The following HEATR4 variants were observed in gnomAD, a reference collection of about 807,000 sequenced individuals.
The protein encoded by HEATR4 is HEAT repeat containing 4.
In HEATR4, 95 loss-of-function variants were observed where a neutral mutation model predicts 108.8. The ratio of observed to expected loss-of-function variants is 0.87; its 90% CI spans 0.74 to 1.04. The LOEUF (loss-of-function observed/expected upper bound fraction) is 1.04, where lower values mean the gene tolerates loss of function less well. HEATR4 is among the 50% of genes least tolerant of loss of function. The pLI, the probability that HEATR4 is intolerant of heterozygous loss-of-function variation, is 0.00. For synonymous variants in HEATR4, 443 were observed against 459.4 expected (o/e 0.96, Z 0.46); for missense variants, 1,152 against 1,253.8 (o/e 0.92, Z 1.23).
intron 17 of HEATR4, among the ~76,000 whole-genome samples, chr14:73,483,004 G>A (rs1490741220): frequency 6.6e-6 from 1 of 152,132 alleles, no homozygotes; most frequent in Non-Finnish European, 1.5e-5. Context: ...AAACATTTAG[G>A]AAGTAAGGGG....
chr14:73,572,455 G>C, the HEATR4 span, among the ~76,000 whole-genome samples: 15 of 151,760 alleles, frequency 9.9e-5, no homozygotes, highest in Non-Finnish European at 1.5e-4. Context: ...TCAAAAACTA[G>C]GCAAAATAAA....
chr14:73,536,098 A>G (rs1888855419), intron 1 of HEATR4, among the ~76,000 whole-genome samples: 1 of 115,806 alleles, frequency 8.6e-6, no homozygotes, highest in Non-Finnish European at 1.9e-5. Context: ...AGGGAGTTGT[A>G]TGATAATGAC....
At chr14:73,615,105 C>T in the HEATR4 span, among the ~76,000 whole-genome samples, 94 of 133,136 alleles carry the variant, frequency 7.1e-4, 1 homozygote, top group Non-Finnish European at 1.3e-3. Context: ...AAAAACAAGG[C>T]GGCCAGGCGC....
At chr14:73,547,504 C>T (rs1426590825) in intron 1 of HEATR4, among the ~76,000 whole-genome samples, 2 of 115,422 alleles carry the variant, frequency 1.7e-5, no homozygotes, top group Admixed American at 9.8e-5. Context: ...CACCACTGCA[C>T]CTGGCCATCA....
intron 17 of HEATR4, among the ~76,000 whole-genome samples, chr14:73,484,699 C>T (rs745601455): frequency 6.6e-5 from 10 of 151,962 alleles, no homozygotes; most frequent in African/African-American, 2.2e-4. Flanking sequence ...TATTAACATC[C>T]TAAAGTTAAA....
intron 1 of HEATR4, among the ~76,000 whole-genome samples, chr14:73,531,658 CT>C (rs1190226070): frequency 9.0e-6 from 1 of 111,030 alleles, no homozygotes; most frequent in Non-Finnish European, 1.9e-5. Context: ...ATGCACCTGC[CT>C]TGGCCTCCCA....
In HEATR4 at chr14:73,478,606, T is replaced by C; in HGVS notation, c.3081A>G (p.Ter1027=). ...TCTTGAAGTAAGACAAGTGTTCAGC[T>C]TAGAGATGAGCACCTTTCTTTCCAG... ...SPSGKKGAHL[*] The change falls in exon 18 of 18, where the codon TAA becomes TAG. Residue 1027 remains the stop codon, a stop_retained_variant. Coordinates refer to ENST00000553558, the MANE Select transcript of HEATR4 (RefSeq NM_001220484.1). 3 of 1,602,776 alleles carry C rather than the reference T, an allele frequency of 1.9e-6. No homozygotes were observed. The highest frequency in any genetic ancestry group is 2.6e-6 in the Non-Finnish European group (3 of 1,169,846).
intron 17 of HEATR4, among the ~76,000 whole-genome samples, chr14:73,479,871 A>G (rs1240495330): frequency 3.3e-5 from 5 of 152,112 alleles, no homozygotes; most frequent in Non-Finnish European, 5.9e-5. Context: ...CACCATGCCC[A>G]GAGATTATTC....
intron 15 of HEATR4, among the ~76,000 whole-genome samples, chr14:73,496,368 T>C (rs1886105721): frequency 6.6e-6 from 1 of 152,122 alleles, no homozygotes; most frequent in Non-Finnish European, 1.5e-5. Flanking sequence ...TGAGGGTTAC[T>C]TGATAGGACT....
chr14:73,494,761 A>G (rs952922529), intron 16 of HEATR4, among the ~76,000 whole-genome samples: 1 of 152,038 alleles, frequency 6.6e-6, no homozygotes, highest in African/African-American at 2.4e-5. Context: ...GGGTCTTGCT[A>G]TGTTGCCCAG....
the HEATR4 span, among the ~76,000 whole-genome samples, chr14:73,587,146 A>C: frequency 6.6e-6 from 1 of 150,696 alleles, no homozygotes; most frequent in Non-Finnish European, 1.5e-5. Flanking sequence ...AAAAAACAAA[A>C]ACAAAAAAAA....
the HEATR4 span, among the ~76,000 whole-genome samples, chr14:73,607,876 G>A: frequency 3.3e-5 from 5 of 151,750 alleles, no homozygotes; most frequent in South Asian, 2.1e-4. Flanking sequence ...CACCCACCTC[G>A]GCCTCCCAAA....
the HEATR4 span, among the ~76,000 whole-genome samples, chr14:73,566,781 C>T: frequency 6.6e-6 from 1 of 152,172 alleles, no homozygotes; most frequent in African/African-American, 2.4e-5. Context: ...AAGGGGCTCC[C>T]ACAGTGCAGC....
chr14:73,586,815 C>A, the HEATR4 span, among the ~76,000 whole-genome samples: 1 of 151,974 alleles, frequency 6.6e-6, no homozygotes, highest in Non-Finnish European at 1.5e-5. Context: ...GGGCTCAAGC[C>A]ATCTTCCCAT....
chr14:73,622,466 G>A, the HEATR4 span, among the ~76,000 whole-genome samples: 5 of 152,004 alleles, frequency 3.3e-5, no homozygotes, highest in Non-Finnish European at 7.4e-5. Context: ...TCAGTGGTGC[G>A]ATCTCGGCTC....
chr14:73,496,818 C>G, intron 14 of HEATR4, 139 bp from the exon 15 acceptor site: 1 of 610,090 alleles, frequency 1.6e-6, no homozygotes, highest in South Asian at 2.0e-5. Flanking sequence ...GCCTTATATG[C>G]AAAAATGGTA....
chr14:73,526,852 C>T (rs908560476), intron 2 of HEATR4, among the ~76,000 whole-genome samples: 1 of 152,106 alleles, frequency 6.6e-6, no homozygotes, highest in African/African-American at 2.4e-5. Flanking sequence ...TGCAAAGCTT[C>T]AGGTGTGACC....
At chr14:73,576,501 G>A in the HEATR4 span, among the ~76,000 whole-genome samples, 1 of 151,836 alleles carries the variant, frequency 6.6e-6, no homozygotes, top group Admixed American at 6.6e-5. Flanking sequence ...TGACAAATGT[G>A]AAGTTAAATA....
the HEATR4 span, among the ~76,000 whole-genome samples, chr14:73,618,124 C>T: frequency 6.6e-6 from 1 of 151,824 alleles, no homozygotes; most frequent in African/African-American, 2.4e-5. Context: ...GACTGGGCAA[C>T]AAGAATGAAA....
Sources: allele counts gnomAD v4.1 joint callset (sites outside exome capture counted in the v4.1 genomes callset), GRCh38; gene constraint gnomAD v4.1.1; transcripts MANE v1.5; gene names NCBI Gene and HGNC (gene_info 2026-07-23, HGNC 2026-07-21).